Variants in TMEM248 observed in about 807,000 individuals in gnomAD.
The protein encoded by TMEM248 is UPF0458 protein C7orf42.
Under a neutral mutation model 30.3 loss-of-function variants are expected in TMEM248, and 9 were observed. That is an observed-to-expected ratio of 0.30 (90% CI 0.18 to 0.52). The LOEUF (loss-of-function observed/expected upper bound fraction) is 0.52, where lower values mean the gene tolerates loss of function less well. Among genes scored for constraint, TMEM248 ranks in the 20% least tolerant of loss-of-function variants. The pLI is 0.97. For synonymous variants in TMEM248, 184 were observed against 154.4 expected (o/e 1.19, Z -1.42); for missense variants, 338 against 403.3 (o/e 0.84, Z 1.39).
At chr7:66,954,825 A>G (rs1182004432) in intron 6 of TMEM248, among the ~76,000 whole-genome samples, 2 of 152,166 alleles carry the variant, frequency 1.3e-5, no homozygotes, top group Non-Finnish European at 2.9e-5. Context: ...TGGATTTTTA[A>G]TCATATACCC....
At chr7:66,946,403 C>G (rs1001746639) in intron 3 of TMEM248, among the ~76,000 whole-genome samples, 1 of 151,894 alleles carries the variant, frequency 6.6e-6, no homozygotes, top group Non-Finnish European at 1.5e-5. Flanking sequence ...CATGGTGAAA[C>G]CCCATCTCTA....
chr7:66,921,300 G>A lies in TMEM248; in HGVS notation c.-180G>A, dbSNP rs1270877666. On this transcript the variant is annotated 5_prime_UTR_variant, in exon 1 of 7. Transcript: ENST00000341567. ...CGGTTGGCGTCTGGTCTTCGCGTCG[G>A]CCCCGCGGAGCCAGACGCTGCCCCC... is the stretch of plus-strand genomic sequence containing the variant. 1.3e-5 allele frequency: 2 copies of A among 151,170 alleles called. No individual in the cohort carries two copies. The highest frequency in any genetic ancestry group is 1.9e-4 in the East Asian group (1 of 5,146). 9.4% of individuals were successfully genotyped at this position (151,170 alleles called of 1,614,324 possible).
intron 1 of TMEM248, among the ~76,000 whole-genome samples, chr7:66,928,592 C>T (rs371202949): frequency 3.9e-4 from 59 of 152,272 alleles, no homozygotes; most frequent in African/African-American, 1.2e-3. Context: ...CTGGGAATGG[C>T]ATGTTCTAAG....
Position 66,948,515 on chromosome 7 carries a change from T to A in TMEM248, c.446-29T>A, listed in dbSNP as rs745992376. The stretch of plus-strand genomic sequence containing the variant: ...GAATGACAAGTACGTGGTTCTTGAC[T>A]TTATAAAAAAATGATTTCTCTTTCA... On this transcript the variant is annotated intron_variant, in intron 3 of 6. Coordinates refer to ENST00000341567, the MANE Select transcript of TMEM248 (RefSeq NM_017994.5). 4.4e-6 allele frequency: 7 copies of A among 1,603,910 alleles called. No individual in the cohort carries two copies. The South Asian group carries it at 6.7e-5, about 15-fold the overall frequency.
chr7:66,934,190 A>G (rs1043333054), intron 1 of TMEM248, among the ~76,000 whole-genome samples: 2 of 150,940 alleles, frequency 1.3e-5, no homozygotes, highest in Non-Finnish European at 1.5e-5. Context: ...TTTTATTATT[A>G]TTATTATTTT....
intron 1 of TMEM248, among the ~76,000 whole-genome samples, chr7:66,929,233 C>T (rs1007576615): frequency 2.6e-5 from 4 of 152,132 alleles, no homozygotes; most frequent in South Asian, 4.2e-4. Flanking sequence ...CTTCTATATG[C>T]CTTAATTTCC....
At chr7:66,945,399 T>A in intron 3 of TMEM248, 138 bp downstream of exon 3, 1 of 906,806 alleles carries the variant, frequency 1.1e-6, no homozygotes, top group Non-Finnish European at 1.7e-6. Context: ...GAGTTTGAAC[T>A]ACATGAACCA....
At chr7:66,925,930 C>T (rs1415506053) in intron 1 of TMEM248, among the ~76,000 whole-genome samples, 1 of 151,996 alleles carries the variant, frequency 6.6e-6, no homozygotes, top group Non-Finnish European at 1.5e-5. Flanking sequence ...CGTGAGCCAC[C>T]ACGCCCGGCC....
chr7:66,948,419 C>A, intron 3 of TMEM248, 125 bp from the exon 4 acceptor site: 1 of 1,181,220 alleles, frequency 8.5e-7, no homozygotes, highest in Non-Finnish European at 1.2e-6. Flanking sequence ...TCAGATCCCA[C>A]AAAGGCAGGT....
intron 6 of TMEM248, among the ~76,000 whole-genome samples, chr7:66,953,938 T>A (rs529458822): frequency 2.3e-5 from 3 of 133,156 alleles, no homozygotes; most frequent in East Asian, 2.4e-4. Flanking sequence ...TAGATTACTT[T>A]CTTTTTTTTT....
In TMEM248 at chr7:66,941,923, C is replaced by T. The variant is rs1341542406; in HGVS notation, c.58C>T (p.Leu20=). The change falls in exon 2 of 7, where the codon CTG becomes TTG. Residue 20 remains leucine, a synonymous_variant. Transcript: ENST00000341567. ...GGTGTACATCAGCAGTCGGCCTCCC[C>T]TGGTGGTCTTCATGATCAGCGTAAG... is the stretch of plus-strand genomic sequence containing the variant. ...LKVYISSRPP[L]VVFMISVSAM... is the part of the protein sequence containing the mutation. 1.9e-6 allele frequency: 3 copies of T among 1,614,156 alleles called. No individual in the cohort carries two copies. The East Asian group carries it at 6.7e-5, about 36-fold the overall frequency.
chr7:66,927,701 C>CT (rs1430874621), intron 1 of TMEM248, among the ~76,000 whole-genome samples: 6 of 151,020 alleles, frequency 4.0e-5, no homozygotes, highest in Admixed American at 1.3e-4. Flanking sequence ...AAGTGATCCT[C>CT]TGACCTTGGC....
chr7:66,956,688 C>CTTTTCTTTCTTTTTTT lies in TMEM248; in HGVS notation c.*1170_*1171insCTTTCTTTTTTTTTTT, dbSNP rs369228029. On this transcript the variant is annotated 3_prime_UTR_variant, in exon 7 of 7. Transcript: ENST00000341567. ...TTTTCTTATAACTTTTTTTCTTTTT[C>CTTTTCTTTCTTTTTTT]TTTTTTTTTGGAGGGGGGAGGCAGG... The CTTTTCTTTCTTTTTTT allele has an allele frequency of 6.0e-5, 9 of 151,052 alleles. No individual in the cohort carries two copies. The highest frequency in any genetic ancestry group is 2.2e-4 in the African/African-American group (9 of 41,188). 9.4% of individuals were successfully genotyped at this position (151,052 alleles called of 1,614,324 possible).
intron 1 of TMEM248, among the ~76,000 whole-genome samples, chr7:66,933,625 G>C (rs1429933539): frequency 6.6e-6 from 1 of 152,170 alleles, no homozygotes; most frequent in Non-Finnish European, 1.5e-5. Context: ...AGGAACTTGT[G>C]TTCTTGTAAC....
chr7:66,930,825 A>G (rs1170960550), intron 1 of TMEM248: 1 of 152,616 alleles, frequency 6.6e-6, no homozygotes, highest in Non-Finnish European at 1.5e-5. Flanking sequence ...AGGGTCTCAG[A>G]CATCACAGGA....
At chr7:66,947,910 T>C (rs1299781739) in intron 3 of TMEM248, among the ~76,000 whole-genome samples, 2 of 152,066 alleles carry the variant, frequency 1.3e-5, no homozygotes, top group African/African-American at 4.8e-5. Flanking sequence ...CCAGTACACC[T>C]GGCTGATTTT....
chr7:66,948,788 T>C (rs1792183994), intron 4 of TMEM248, 94 bp downstream of exon 4: 3 of 1,353,476 alleles, frequency 2.2e-6, no homozygotes, highest in African/African-American at 1.5e-5. Context: ...TCAGGATGGC[T>C]CACTTCACAT....
intron 1 of TMEM248, chr7:66,930,652 G>A (rs1308303239): frequency 6.6e-6 from 1 of 152,586 alleles, no homozygotes; most frequent in Non-Finnish European, 1.5e-5. Flanking sequence ...GCAGGAAGAT[G>A]GTTTCTGCGC....
chr7:66,953,412 C>G (rs1341886291), intron 6 of TMEM248, 43 bp downstream of exon 6: 1 of 1,600,164 alleles, frequency 6.2e-7, no homozygotes, highest in Non-Finnish European at 8.5e-7. Context: ...TACTAGAGGT[C>G]TCTGTATACA....
Sources: gnomAD v4.1 joint callset for allele counts (sites outside exome capture counted in the v4.1 genomes callset) on GRCh38, gnomAD v4.1.1 for gene constraint, MANE v1.5 for transcripts, NCBI Gene and HGNC (gene_info 2026-07-23, HGNC 2026-07-21) for gene names.